Variants in SMARCC1 observed in about 807,000 individuals in gnomAD.
SMARCC1 encodes the protein SWI/SNF complex subunit SMARCC1.
A neutral mutation model predicts 147.4 loss-of-function variants in SMARCC1; 43 were observed. The observed-to-expected ratio is 0.29, with a 90% CI of 0.23 to 0.38. The LOEUF (loss-of-function observed/expected upper bound fraction) is 0.38, where lower values mean the gene tolerates loss of function less well. Among genes scored for constraint, SMARCC1 ranks in the 10% least tolerant of loss-of-function variants. The probability of loss-of-function intolerance (pLI) is 1.00; values close to 1 mark genes in which losing one functional copy is unlikely to be tolerated. For synonymous variants in SMARCC1, 495 were observed against 484.4 expected (o/e 1.02, Z -0.29); for missense variants, 1,119 against 1,381.1 (o/e 0.81, Z 3.01).
chr3:47,772,998 T>G (rs2034932896), intron 1 of SMARCC1, 62 bp from the exon 2 acceptor site: 1 of 1,497,788 alleles, frequency 6.7e-7, no homozygotes, highest in Non-Finnish European at 9.2e-7. Context: ...AATGTTGGCT[T>G]ACTTCCTAGT....
intron 7 of SMARCC1, among the ~76,000 whole-genome samples, chr3:47,715,602 T>C (rs909698236): frequency 6.6e-6 from 1 of 152,240 alleles, no homozygotes; most frequent in African/African-American, 2.4e-5. Context: ...ATAGCCATTG[T>C]GATCTTTTTG....
chr3:47,614,233 T>A (rs1425826249), intron 25 of SMARCC1, among the ~76,000 whole-genome samples: 3 of 152,234 alleles, frequency 2.0e-5, no homozygotes, highest in South Asian at 2.1e-4. Context: ...TGTGTACTTC[T>A]GGTAGCAGAA....
chr3:47,729,504 G>A (rs1366941062), intron 5 of SMARCC1, among the ~76,000 whole-genome samples: 1 of 152,116 alleles, frequency 6.6e-6, no homozygotes, highest in African/African-American at 2.4e-5. Context: ...TCCTGCCTCA[G>A]CCTCCTGAGT....
At chr3:47,740,911 C>T (rs1006343204) in intron 3 of SMARCC1, among the ~76,000 whole-genome samples, 3 of 149,420 alleles carry the variant, frequency 2.0e-5, no homozygotes, top group African/African-American at 7.4e-5. Flanking sequence ...AATATTGTGA[C>T]TTTGTAAAGT....
At position 47,595,792 on chromosome 3, in the gene SMARCC1, T is replaced by TG. The variant is rs1371648575; in HGVS notation, c.3044-4956dup. Among the ~76,000 whole-genome samples the TG allele has an allele frequency of 2.7e-5, 4 of 150,388 alleles. No individual in the cohort carries two copies. In the South Asian group the frequency reaches 8.6e-4, roughly 32 times the overall value. ...CTCTGTTGCCCAGGCTGGAGTGCAGTGGGGCGATCTCGACTCACTGCAACC... is the reference window on the plus strand; with the variant it reads ...CTCTGTTGCCCAGGCTGGAGTGCAGTGGGGGCGATCTCGACTCACTGCAACC... On this transcript the variant is annotated intron_variant, in intron 26 of 27. Coordinates refer to ENST00000254480, the MANE Select transcript of SMARCC1 (RefSeq NM_003074.4).
rs749364799 is a variant in SMARCC1 at position 47,781,679 on chromosome 3, G to A, written c.119C>T (p.Thr40Ile). ...CGTCTCCGGGCTCTCCCAAAACTTG[G>A]TGGCCGGGCCCCCATCCTTCCGTCG... is the stretch of plus-strand genomic sequence containing the variant. ...VYRRKDGGPA[T>I]KFWESPETVS... is the part of the protein sequence containing the mutation. Residue 40 changes from threonine (T) to isoleucine (I), a missense_variant, in exon 1 of 28, where the codon ACC becomes ATC. Transcript: ENST00000254480. The A allele has an allele frequency of 2.6e-6, 4 of 1,561,614 alleles. No homozygotes were observed. The highest frequency in any genetic ancestry group is 5.3e-5 in the East Asian group (2 of 37,864).
At chr3:47,673,686 C>A (rs2033533967) in intron 18 of SMARCC1, among the ~76,000 whole-genome samples, 1 of 152,124 alleles carries the variant, frequency 6.6e-6, no homozygotes, top group African/African-American at 2.4e-5. Context: ...CAAACTCAGT[C>A]TCAAAACAAA....
chr3:47,638,713 G>GT lies in SMARCC1; in HGVS notation c.2376+11dup. The GT allele has an allele frequency of 1.2e-6, 2 of 1,609,354 alleles. No homozygotes were observed. Among genetic ancestry groups the GT allele is most frequent in the African/African-American group, 1.3e-5 (1 of 74,942 alleles). ...GCATGCTATCTGTGGTTTTACTGCT[G>GT]TGAGACTTTACCTTTTCAGGCTGCT... On this transcript the variant is annotated intron_variant, in intron 22 of 27. Coordinates refer to ENST00000254480, the MANE Select transcript of SMARCC1 (RefSeq NM_003074.4).
At chr3:47,766,066 C>T (rs2034836752) in intron 2 of SMARCC1, among the ~76,000 whole-genome samples, 2 of 152,040 alleles carry the variant, frequency 1.3e-5, no homozygotes, top group South Asian at 2.1e-4. Context: ...GACAGGTTTA[C>T]AATTTTGGGC....
chr3:47,703,963 A>AC (rs1553685296), intron 10 of SMARCC1, among the ~76,000 whole-genome samples: 1 of 151,496 alleles, frequency 6.6e-6, no homozygotes, highest in Non-Finnish European at 1.5e-5. Context: ...CACCCGGCTA[A>AC]TTTTTTTTGT....
At chr3:47,666,453 G>A (rs2033421149) in intron 19 of SMARCC1, among the ~76,000 whole-genome samples, 1 of 90,694 alleles carries the variant, frequency 1.1e-5, no homozygotes, top group South Asian at 3.1e-4. Context: ...TCTACCTGCA[G>A]TGTCTGTCAG....
chr3:47,600,022 G>A (rs2032358942), intron 26 of SMARCC1, among the ~76,000 whole-genome samples: 1 of 152,176 alleles, frequency 6.6e-6, no homozygotes, highest in Admixed American at 6.5e-5. Context: ...AGCTGGAATA[G>A]GGCAGCTTTA....
At chr3:47,681,211 G>C (rs145327591) in intron 14 of SMARCC1, among the ~76,000 whole-genome samples, 2 of 152,182 alleles carry the variant, frequency 1.3e-5, no homozygotes, top group Admixed American at 6.6e-5. Flanking sequence ...CAAATGACCA[G>C]AGTAGAGACA....
chr3:47,647,341 T>C (rs1182617475), intron 21 of SMARCC1, among the ~76,000 whole-genome samples: 1 of 152,330 alleles, frequency 6.6e-6, no homozygotes, highest in East Asian at 1.9e-4. Flanking sequence ...ATATGAGATA[T>C]TCAATACGTT....
Position 47,590,704 on chromosome 3 carries a change from G to A in SMARCC1, c.3177C>T (p.Asn1059=), listed in dbSNP as rs996634154. ...TPPGMPPMPG[N]ILGPRVPLTA... ...TCAGGGGTACCCGGGGTCCTAAGAT[G>A]TTTCCTGGCATTGGTGGCATGCCAG... The change falls in exon 27 of 28, where the codon AAC becomes AAT. Residue 1059 remains asparagine (N), a synonymous_variant. Transcript: ENST00000254480. The A allele has an allele frequency of 2.5e-6, 4 of 1,569,142 alleles. No homozygotes were observed. The African/African-American group carries it at 4.2e-5, about 16-fold the overall frequency.
intron 13 of SMARCC1, among the ~76,000 whole-genome samples, chr3:47,689,006 TCGCAA>T (rs2033761372): frequency 6.6e-6 from 1 of 151,908 alleles, no homozygotes; most frequent in Non-Finnish European, 1.5e-5. Flanking sequence ...GCCCAGGAGT[TCGCAA>T]CCAGCCTGGG....
intron 14 of SMARCC1, among the ~76,000 whole-genome samples, chr3:47,684,134 G>A (rs927750627): frequency 1.3e-5 from 2 of 151,300 alleles, no homozygotes; most frequent in African/African-American, 2.4e-5. Context: ...CAGCTACTTG[G>A]GAGGCTGAGG....
intron 19 of SMARCC1, among the ~76,000 whole-genome samples, chr3:47,664,595 G>T (rs900274217): frequency 6.6e-6 from 1 of 152,212 alleles, no homozygotes; most frequent in African/African-American, 2.4e-5. Flanking sequence ...CAACTATGTG[G>T]TGCTAAGAAT....
At chr3:47,740,676 C>T (rs1367055232) in intron 3 of SMARCC1, among the ~76,000 whole-genome samples, 1 of 151,880 alleles carries the variant, frequency 6.6e-6, no homozygotes, top group Non-Finnish European at 1.5e-5. Flanking sequence ...AATGCTGATA[C>T]AGCCCCATCA....
Sources: gnomAD v4.1 joint callset for allele counts (sites outside exome capture counted in the v4.1 genomes callset) on GRCh38, gnomAD v4.1.1 for gene constraint, MANE v1.5 for transcripts, NCBI Gene and HGNC (gene_info 2026-07-23, HGNC 2026-07-21) for gene names.